The following PCED1B variants were observed in gnomAD, a reference collection of about 807,000 sequenced individuals.
PCED1B encodes PC-esterase domain containing 1B.
For synonymous variants in PCED1B, 251 were observed against 246.1 expected (o/e 1.02, Z -0.19); for missense variants, 573 against 573.9 (o/e 1.00, Z 0.02).
rs552100845 is a variant in PCED1B at position 47,229,212 on chromosome 12, G to A, written c.-57-5795G>A. 2.0e-5 allele frequency among the ~76,000 whole-genome samples: 3 copies of A among 151,932 alleles called. No homozygotes were observed. The South Asian group carries it at 6.2e-4, about 32-fold the overall frequency. On this transcript the variant is annotated intron_variant, in intron 3 of 3. Transcript: ENST00000546455. ...GTGGATCACCTGAGGTCAGGAGTTC[G>A]AGACCAGCTGGCCAACATGGTGAAA... is the stretch of plus-strand genomic sequence containing the variant.
At chr12:47,095,891 G>A (rs1938465785) in intron 1 of PCED1B, among the ~76,000 whole-genome samples, 1 of 151,876 alleles carries the variant, frequency 6.6e-6, no homozygotes, top group South Asian at 2.1e-4. Context: ...CTCATTTGTG[G>A]GTCAGACAGA....
chr12:47,100,424 T>C (rs1435713156), intron 1 of PCED1B, among the ~76,000 whole-genome samples: 1 of 152,218 alleles, frequency 6.6e-6, no homozygotes, highest in Non-Finnish European at 1.5e-5. Context: ...TCTTTTTCCT[T>C]ATATGTGCTT....
At chr12:47,150,614 T>C (rs1940954824) in intron 2 of PCED1B, among the ~76,000 whole-genome samples, 1 of 151,448 alleles carries the variant, frequency 6.6e-6, no homozygotes, top group Admixed American at 6.6e-5. Flanking sequence ...AAGATACCTC[T>C]TGAACAGAAG....
intron 2 of PCED1B, among the ~76,000 whole-genome samples, chr12:47,205,262 T>A (rs1322518496): frequency 6.6e-6 from 1 of 152,170 alleles, no homozygotes; most frequent in Non-Finnish European, 1.5e-5. Context: ...AGCCAGTTTA[T>A]CGATCTGGGT....
intron 2 of PCED1B, among the ~76,000 whole-genome samples, chr12:47,155,340 GAC>G (rs1278655339): frequency 6.6e-6 from 1 of 152,128 alleles, no homozygotes; most frequent in Admixed American, 6.5e-5. Context: ...AATTAAATAT[GAC>G]ACATTGTATG....
chr12:47,121,764 A>G (rs1005607356), intron 2 of PCED1B, among the ~76,000 whole-genome samples: 18 of 151,716 alleles, frequency 1.2e-4, no homozygotes, highest in Non-Finnish European at 2.4e-4. Context: ...GGTGTGGTGG[A>G]GCTCACGCCT....
At chr12:47,187,278 G>C (rs561947305) in intron 2 of PCED1B, among the ~76,000 whole-genome samples, 1 of 152,282 alleles carries the variant, frequency 6.6e-6, no homozygotes, top group South Asian at 2.1e-4. Flanking sequence ...CATAGGGAGA[G>C]ACCATGGGAT....
At chr12:47,222,970 G>A (rs1445810307) in intron 3 of PCED1B, among the ~76,000 whole-genome samples, 4 of 152,138 alleles carry the variant, frequency 2.6e-5, no homozygotes, top group Admixed American at 6.6e-5. Context: ...ACTGTTTGGG[G>A]CAAATAGGGA....
intron 2 of PCED1B, among the ~76,000 whole-genome samples, chr12:47,128,029 A>G (rs1420705479): frequency 6.6e-6 from 1 of 152,244 alleles, no homozygotes; most frequent in African/African-American, 2.4e-5. Context: ...TCTTGGAATC[A>G]TTGATGCATG....
intron 2 of PCED1B, among the ~76,000 whole-genome samples, chr12:47,167,859 C>G (rs1020381465): frequency 2.0e-5 from 3 of 152,180 alleles, no homozygotes; most frequent in Non-Finnish European, 4.4e-5. Flanking sequence ...AACTCTCGAG[C>G]AGTACCTGGG....
At chr12:47,107,146 G>A (rs995095051) in intron 2 of PCED1B, among the ~76,000 whole-genome samples, 2 of 152,210 alleles carry the variant, frequency 1.3e-5, no homozygotes, top group Non-Finnish European at 2.9e-5. Context: ...GGGTGGGCGA[G>A]TGTCAACCTT....
intron 2 of PCED1B, among the ~76,000 whole-genome samples, chr12:47,174,655 A>G (rs17097665): frequency 0.039 from 5,972 of 152,266 alleles, 382 homozygotes; most frequent in African/African-American, 0.14. Context: ...CCTAAAATTA[A>G]TGAATATGAC....
chr12:47,234,336 C>T (rs1348591592), intron 3 of PCED1B, among the ~76,000 whole-genome samples: 3 of 152,122 alleles, frequency 2.0e-5, no homozygotes, highest in Non-Finnish European at 2.9e-5. Flanking sequence ...TTTGTGTTAC[C>T]TGTTGCATTT....
chr12:47,082,100 G>A (rs1178436184), intron 1 of PCED1B, among the ~76,000 whole-genome samples: 3 of 151,852 alleles, frequency 2.0e-5, no homozygotes, highest in African/African-American at 7.3e-5. Flanking sequence ...GGTATAAGAC[G>A]TGACCTTATT....
chr12:47,232,186 G>C (rs1440984314), intron 3 of PCED1B, among the ~76,000 whole-genome samples: 1 of 152,122 alleles, frequency 6.6e-6, no homozygotes, highest in Non-Finnish European at 1.5e-5. Context: ...GTTTGCTTCA[G>C]TTTTGTTTTG....
chr12:47,156,893 T>A (rs1490628660), intron 2 of PCED1B, among the ~76,000 whole-genome samples: 1 of 152,102 alleles, frequency 6.6e-6, no homozygotes, highest in African/African-American at 2.4e-5. Flanking sequence ...AAGCCTCAGC[T>A]TCCCCCTATG....
chr12:47,219,216 T>C, intron 3 of PCED1B, among the ~76,000 whole-genome samples: 1 of 152,150 alleles, frequency 6.6e-6, no homozygotes, highest in East Asian at 1.9e-4. Flanking sequence ...ACAAAAATGG[T>C]AACAATAATG....
chr12:47,204,595 C>T (rs183915193), intron 2 of PCED1B, among the ~76,000 whole-genome samples: 152 of 152,294 alleles, frequency 1.0e-3, no homozygotes, highest in African/African-American at 3.6e-3. Flanking sequence ...CTCCTGGTCT[C>T]ACTCACAGAT....
intron 2 of PCED1B, among the ~76,000 whole-genome samples, chr12:47,198,628 G>A (rs1012034668): frequency 6.6e-6 from 1 of 151,874 alleles, no homozygotes; most frequent in Non-Finnish European, 1.5e-5. Flanking sequence ...TGAGAAGGAA[G>A]AAAGAAATAA....
Sources: allele counts gnomAD v4.1 joint callset (sites outside exome capture counted in the v4.1 genomes callset), GRCh38; gene constraint gnomAD v4.1.1; transcripts MANE v1.5; gene names NCBI Gene and HGNC (gene_info 2026-07-23, HGNC 2026-07-21).